The following PTPRD variants were observed in gnomAD, a reference collection of about 807,000 sequenced individuals.
PTPRD encodes the protein receptor-type tyrosine-protein phosphatase delta.
PTPRD carries 34 observed loss-of-function variants against 214.5 expected under a neutral mutation model. That is an observed-to-expected ratio of 0.16 (90% CI 0.12 to 0.21). PTPRD has a LOEUF of 0.21. Among genes scored for constraint, PTPRD ranks in the 10% least tolerant of loss-of-function variants. The pLI, the probability that PTPRD is intolerant of heterozygous loss-of-function variation, is 1.00. For missense variants in PTPRD, 2,545 were observed against 2,398.7 expected (o/e 1.06, Z -1.27); for synonymous variants, 1,128 against 845.7 (o/e 1.33, Z -5.79).
chr9:8,751,443 C>T (rs920678832), intron 11 of PTPRD, among the ~76,000 whole-genome samples: 4 of 151,766 alleles, frequency 2.6e-5, no homozygotes, highest in South Asian at 2.1e-4. Context: ...TTTTAGGTTT[C>T]TGAAGTTTTG....
chr9:8,707,817 C>T (rs1036810334), intron 12 of PTPRD, among the ~76,000 whole-genome samples: 1 of 152,180 alleles, frequency 6.6e-6, no homozygotes, highest in Non-Finnish European at 1.5e-5. Context: ...CCATATAATG[C>T]ATACCACAGT....
At chr9:8,592,098 A>C (rs2154265351) in intron 14 of PTPRD, among the ~76,000 whole-genome samples, 1 of 152,308 alleles carries the variant, frequency 6.6e-6, no homozygotes, top group South Asian at 2.1e-4. Context: ...TGGAAATTTA[A>C]ATTTTAAAAG....
intron 7 of PTPRD, among the ~76,000 whole-genome samples, chr9:9,603,210 T>C (rs2093907292): frequency 6.6e-6 from 1 of 152,134 alleles, no homozygotes; most frequent in African/African-American, 2.4e-5. Context: ...TGTGGTCAGT[T>C]GCTGTCGGAA....
intron 2 of PTPRD, among the ~76,000 whole-genome samples, chr9:10,501,096 T>G (rs2043551318): frequency 6.6e-6 from 1 of 151,842 alleles, no homozygotes. Context: ...CTATTTTTAG[T>G]TTTTTTGAGG....
intron 11 of PTPRD, among the ~76,000 whole-genome samples, chr9:8,983,025 T>A (rs1402399024): frequency 6.6e-6 from 1 of 152,088 alleles, no homozygotes; most frequent in Non-Finnish European, 1.5e-5. Flanking sequence ...CCATGTTCTA[T>A]TACTCTTTAA....
At chr9:9,877,647 G>A (rs2153729618) in intron 5 of PTPRD, among the ~76,000 whole-genome samples, 1 of 152,172 alleles carries the variant, frequency 6.6e-6, no homozygotes, top group East Asian at 1.9e-4. Context: ...CACCAAGATA[G>A]GAAAACAGGT....
chr9:10,554,639 T>G (rs953664276), intron 2 of PTPRD, among the ~76,000 whole-genome samples: 1 of 149,742 alleles, frequency 6.7e-6, no homozygotes, highest in Non-Finnish European at 1.5e-5. Context: ...AACAGGTTTA[T>G]ACATTTCTTT....
At chr9:8,917,080 A>G (rs1295831344) in intron 11 of PTPRD, among the ~76,000 whole-genome samples, 1 of 132,456 alleles carries the variant, frequency 7.5e-6, no homozygotes, top group Non-Finnish European at 1.6e-5. Context: ...TACAATCCCC[A>G]TTGTATAGGC....
intron 14 of PTPRD, among the ~76,000 whole-genome samples, chr9:8,625,103 G>C (rs2095975568): frequency 6.6e-6 from 1 of 151,598 alleles, no homozygotes; most frequent in African/African-American, 2.4e-5. Context: ...CAAAGGAAGA[G>C]GTATACAGGA....
At chr9:10,054,420 C>T (rs1280731222) in intron 3 of PTPRD, among the ~76,000 whole-genome samples, 3 of 152,028 alleles carry the variant, frequency 2.0e-5, no homozygotes, top group Non-Finnish European at 4.4e-5. Context: ...ACCAAGATGC[C>T]CTTAAAGTTT....
At chr9:10,214,448 T>C in intron 3 of PTPRD, among the ~76,000 whole-genome samples, 1 of 117,226 alleles carries the variant, frequency 8.5e-6, no homozygotes, top group African/African-American at 2.9e-5. Flanking sequence ...TTTTTTTTTT[T>C]GCATTTTAAT....
At chr9:8,768,490 C>G (rs1391702440) in intron 11 of PTPRD, among the ~76,000 whole-genome samples, 1 of 152,064 alleles carries the variant, frequency 6.6e-6, no homozygotes, top group Non-Finnish European at 1.5e-5. Flanking sequence ...GAGGAGGAGG[C>G]TGCAGTGAGC....
At chr9:10,321,334 G>T (rs2096548780) in intron 3 of PTPRD, among the ~76,000 whole-genome samples, 1 of 152,040 alleles carries the variant, frequency 6.6e-6, no homozygotes, top group Non-Finnish European at 1.5e-5. Flanking sequence ...AATATGAAGA[G>T]TGAGAAGGGC....
At chr9:10,012,499 C>G (rs1244209974) in intron 4 of PTPRD, among the ~76,000 whole-genome samples, 1 of 151,900 alleles carries the variant, frequency 6.6e-6, no homozygotes, top group East Asian at 1.9e-4. Flanking sequence ...TTTCACCACA[C>G]CTTATAACTA....
chr9:10,173,964 A>G (rs1412475587), intron 3 of PTPRD, among the ~76,000 whole-genome samples: 5 of 152,134 alleles, frequency 3.3e-5, no homozygotes, highest in Non-Finnish European at 7.4e-5. Context: ...ATTCTTTCCT[A>G]CCATGTGCAG....
chr9:9,184,699 G>T (rs951195523), intron 9 of PTPRD, among the ~76,000 whole-genome samples: 7 of 151,998 alleles, frequency 4.6e-5, no homozygotes, highest in African/African-American at 1.7e-4. Context: ...TGTAAACTAT[G>T]GTACCCCGTG....
In PTPRD at chr9:8,887,584, A is replaced by G. The variant is rs529174560; in HGVS notation, c.-104+131113T>C. On this transcript the variant is annotated intron_variant, in intron 11 of 45. Coordinates refer to ENST00000381196, the MANE Select transcript of PTPRD (RefSeq NM_002839.4). ...TAAAAAATACGTTGCCCTATAAATC[A>G]CATCTCTCCTGTAGGAGATTACAAC... is the stretch of plus-strand genomic sequence containing the variant. Among the ~76,000 whole-genome samples the G allele has an allele frequency of 4.0e-4, 61 of 152,290 alleles. 1 individual carries two copies. The highest frequency in any genetic ancestry group is 1.4e-3 in the African/African-American group (60 of 41,558).
At chr9:8,788,020 T>C (rs1233672258) in intron 11 of PTPRD, among the ~76,000 whole-genome samples, 1 of 152,132 alleles carries the variant, frequency 6.6e-6, no homozygotes, top group Non-Finnish European at 1.5e-5. Context: ...GAGAAGTAAA[T>C]GAATCCAGTT....
At chr9:10,238,994 T>C (rs10217306) in intron 3 of PTPRD, among the ~76,000 whole-genome samples, 116,369 of 151,694 alleles carry the variant, frequency 0.77, 45,042 homozygotes, top group East Asian at 0.89. Context: ...AAGGCTTCCA[T>C]GTCCAATATG....
Sources: allele counts gnomAD v4.1 joint callset (sites outside exome capture counted in the v4.1 genomes callset), GRCh38; gene constraint gnomAD v4.1.1; transcripts MANE v1.5; gene names NCBI Gene and HGNC (gene_info 2026-07-23, HGNC 2026-07-21).